The following LOXL2 variants were observed in gnomAD, a reference collection of about 807,000 sequenced individuals.
The protein encoded by LOXL2 is lysyl oxidase homolog 2.
In LOXL2, 70 loss-of-function variants were observed where a neutral mutation model predicts 93.0. That is an observed-to-expected ratio of 0.75 (90% CI 0.62 to 0.92). LOXL2 has a LOEUF of 0.92. LOXL2 is among the 40% of genes least tolerant of loss of function. The pLI, the probability that LOXL2 is intolerant of heterozygous loss-of-function variation, is 0.00. For missense variants in LOXL2, 973 were observed against 1,054.9 expected, an observed-to-expected ratio of 0.92 and a Z score of 1.08; for synonymous variants, 438 against 413.2, an observed-to-expected ratio of 1.06 and a Z score of -0.73.
chr8:23,306,769 G>GGCCTGTGGA (rs1306930797), intron 10 of LOXL2, among the ~76,000 whole-genome samples: 1 of 152,250 alleles, frequency 6.6e-6, no homozygotes, highest in Non-Finnish European at 1.5e-5. Context: ...CAAGCCCCTT[G>GGCCTGTGGA]GCCTGTGGAG....
intron 1 of LOXL2, among the ~76,000 whole-genome samples, chr8:23,377,449 A>G (rs1804611191): frequency 7.1e-6 from 1 of 140,200 alleles, no homozygotes; most frequent in Non-Finnish European, 1.6e-5. Flanking sequence ...GTAGATGTCT[A>G]TTAGGTCCGC....
At chr8:23,332,312 C>A (rs1339070915) in intron 5 of LOXL2, among the ~76,000 whole-genome samples, 1 of 116,900 alleles carries the variant, frequency 8.6e-6, no homozygotes, top group Admixed American at 9.0e-5. Flanking sequence ...CTCATACACA[C>A]CCCCTACACA....
In LOXL2 at chr8:23,309,755, C is replaced by T. The variant is rs1260627067; in HGVS notation, c.1793G>A (p.Arg598His). The change falls in exon 10 of 14, where the codon CGC becomes CAC. Residue 598 changes from arginine (R) to histidine (H), a missense_variant. Coordinates refer to ENST00000389131, the MANE Select transcript of LOXL2 (RefSeq NM_002318.3). ...DPTTGYRRLL[R>H]FSSQIHNNGQ... ...ATTGTTGTGGATCTGGGAGGAGAAG[C>T]GCAGGAGCCGGCGGTAGCCCGTGGT... 4 of 1,601,346 alleles carry T rather than the reference C, an allele frequency of 2.5e-6. No homozygotes were observed. Among genetic ancestry groups the T allele is most frequent in the African/African-American group, 1.3e-5 (1 of 74,552 alleles).
chr8:23,341,718 C>T (rs1803885687), intron 3 of LOXL2, among the ~76,000 whole-genome samples: 4 of 152,198 alleles, frequency 2.6e-5, no homozygotes, highest in Admixed American at 2.6e-4. Context: ...GGTGGTGCCA[C>T]CCTGCAGACT....
intron 1 of LOXL2, among the ~76,000 whole-genome samples, chr8:23,402,197 A>G (rs1269065836): frequency 6.6e-6 from 1 of 152,132 alleles, no homozygotes; most frequent in Non-Finnish European, 1.5e-5. Flanking sequence ...GCCCGCGCAC[A>G]CACACCTGTG....
intron 3 of LOXL2, among the ~76,000 whole-genome samples, chr8:23,354,462 T>C (rs1010039053): frequency 6.6e-6 from 1 of 152,262 alleles, no homozygotes; most frequent in African/African-American, 2.4e-5. Flanking sequence ...GGGCTTTAAC[T>C]CTCACACTTT....
chr8:23,337,746 G>A (rs1255021361), intron 4 of LOXL2, among the ~76,000 whole-genome samples: 1 of 152,198 alleles, frequency 6.6e-6, no homozygotes, highest in Non-Finnish European at 1.5e-5. Flanking sequence ...TTGGCACCAG[G>A]AATGGGGGCC....
intron 3 of LOXL2, among the ~76,000 whole-genome samples, chr8:23,352,000 T>TG (rs891226339): frequency 5.3e-5 from 8 of 152,268 alleles, no homozygotes; most frequent in African/African-American, 1.7e-4. Context: ...TTAGTAGAGA[T>TG]GGGGGTCTCG....
At position 23,309,900 on chromosome 8, in the gene LOXL2, G is replaced by C; in HGVS notation, c.1648C>G (p.Leu550Val). Residue 550 changes from leucine (L) to valine (V), a missense_variant, in exon 10 of 14, where the codon CTG (leucine) becomes GTG (valine). Physicochemically the swap from Leu to Val is conservative, Grantham distance 32. Coordinates refer to ENST00000389131, the MANE Select transcript of LOXL2 (RefSeq NM_002318.3). ...TGCACCATCTCCGCATTGAGGACCA[G>C]GTCAGGGGCGGCTGCGGAGGATGGC... ...GVACSETAPD[L>V]VLNAEMVQQT... The C allele has an allele frequency of 6.7e-7, 1 of 1,497,038 alleles. No individual in the cohort carries two copies. Among genetic ancestry groups the C allele is most frequent in the South Asian group, 1.3e-5 (1 of 75,756 alleles). The allele number at this position is 1,497,038 out of a possible 1,614,324, so 92.7% of individuals were successfully genotyped here. A position where few individuals can be genotyped will look rare whatever the true frequency, so the allele number is the denominator to read the frequency against.
At chr8:23,369,652 G>A (rs145653940) in intron 1 of LOXL2, among the ~76,000 whole-genome samples, 1 of 152,218 alleles carries the variant, frequency 6.6e-6, no homozygotes, top group East Asian at 1.9e-4. Flanking sequence ...AGGATGCTGG[G>A]GTGGAGATGT....
In LOXL2 at chr8:23,333,533, G is replaced by T; in HGVS notation, c.834C>A (p.Gly278=). 6.2e-7 allele frequency: 1 copy of T among 1,613,962 alleles called. No individual in the cohort carries two copies. The highest frequency in any genetic ancestry group is 8.5e-7 in the Non-Finnish European group (1 of 1,180,012). ...TCATGGGGTCCAGTGACACCTGGGG[G>T]CCCAGCTTGCAGCTGGAGATGTGGG... is the stretch of plus-strand genomic sequence containing the variant. ...TEAHISSCKL[G]PQVSLDPMKN... The change falls in exon 5 of 14, where the codon GGC becomes GGA. Residue 278 remains glycine, a synonymous_variant. Coordinates refer to ENST00000389131, the MANE Select transcript of LOXL2 (RefSeq NM_002318.3).
At chr8:23,394,397 A>G (rs1237737947) in intron 1 of LOXL2, among the ~76,000 whole-genome samples, 7 of 91,690 alleles carry the variant, frequency 7.6e-5, no homozygotes, top group Middle Eastern at 4.4e-3. Flanking sequence ...TGTCTCAGAG[A>G]AAAAAAAAAA....
rs565704771 is a variant in LOXL2, at chr8:23,320,718, C to T, written c.1303-666G>A. 6.0e-4 allele frequency among the ~76,000 whole-genome samples: 92 copies of T among 152,120 alleles called. 1 individual carries two copies. Among genetic ancestry groups the T allele is most frequent in the South Asian group, 4.8e-3 (23 of 4,806 alleles). ...AGCCCAGGGTTTTGAGACCAGCCTGCGCAACATAGTGAGACCCCATCTCTA... is the reference window on the plus strand; with the variant it reads ...AGCCCAGGGTTTTGAGACCAGCCTGTGCAACATAGTGAGACCCCATCTCTA... On this transcript the variant is annotated intron_variant, in intron 7 of 13. Transcript: ENST00000389131.
chr8:23,357,510 G>A (rs1022083345), intron 3 of LOXL2, among the ~76,000 whole-genome samples: 1 of 152,020 alleles, frequency 6.6e-6, no homozygotes, highest in African/African-American at 2.4e-5. Context: ...TAATTTAATT[G>A]TTTGGGTAAT....
At chr8:23,333,724 G>A in intron 4 of LOXL2, 101 bp from the exon 5 acceptor site, 1 of 932,480 alleles carries the variant, frequency 1.1e-6, no homozygotes, top group Non-Finnish European at 1.6e-6. Flanking sequence ...CCTGCTCCTG[G>A]AGCTCAGCCC....
intron 3 of LOXL2, among the ~76,000 whole-genome samples, chr8:23,345,452 C>T (rs1294561243): frequency 4.6e-5 from 7 of 152,308 alleles, no homozygotes; most frequent in Middle Eastern, 3.4e-3. Flanking sequence ...GGATTGTGTA[C>T]GTGAGGGGAG....
At chr8:23,386,036 C>G (rs763132388) in intron 1 of LOXL2, 13 of 765,200 alleles carry the variant, frequency 1.7e-5, no homozygotes, top group Non-Finnish European at 1.2e-5. Context: ...TTATCAGCAT[C>G]CCTATTTTCC....
chr8:23,306,730 C>T (rs572110766), intron 10 of LOXL2, among the ~76,000 whole-genome samples: 1 of 152,384 alleles, frequency 6.6e-6, no homozygotes, highest in African/African-American at 2.4e-5. Flanking sequence ...CCTAGCTCCT[C>T]TCCTGGGATT....
intron 10 of LOXL2, among the ~76,000 whole-genome samples, chr8:23,305,880 C>T (rs554114260): frequency 9.9e-5 from 15 of 151,772 alleles, no homozygotes; most frequent in Admixed American, 4.6e-4. Context: ...GGTATGATCT[C>T]GGCTCACTGC....
Sources: gnomAD v4.1 joint callset for allele counts (sites outside exome capture counted in the v4.1 genomes callset) on GRCh38, gnomAD v4.1.1 for gene constraint, MANE v1.5 for transcripts, NCBI Gene and HGNC (gene_info 2026-07-23, HGNC 2026-07-21) for gene names.